GRM7: variants seen among roughly 807,000 people sequenced by gnomAD.
GRM7 encodes the protein glutamate metabotropic receptor 7, also known as metabotropic glutamate receptor 7.
A neutral mutation model predicts 84.5 loss-of-function variants in GRM7; 35 were observed. The observed-to-expected ratio is 0.41, with a 90% CI of 0.32 to 0.55. The LOEUF (loss-of-function observed/expected upper bound fraction) is 0.55, where lower values mean the gene tolerates loss of function less well. Among genes scored for constraint, GRM7 ranks in the 20% least tolerant of loss-of-function variants. The pLI, the probability that GRM7 is intolerant of heterozygous loss-of-function variation, is 0.19. For synonymous variants in GRM7, 487 were observed against 455.1 expected (o/e 1.07, Z -0.89); for missense variants, 1,003 against 1,194.6 (o/e 0.84, Z 2.36).
At chr3:7,285,848 T>A (rs1262092736) in intron 2 of GRM7, among the ~76,000 whole-genome samples, 3 of 152,172 alleles carry the variant, frequency 2.0e-5, no homozygotes, top group African/African-American at 7.2e-5. Context: ...TTCTAATTTA[T>A]CTCTTAATTT....
chr3:7,167,107 C>G (rs1574982152), intron 2 of GRM7, among the ~76,000 whole-genome samples: 1 of 152,120 alleles, frequency 6.6e-6, no homozygotes, highest in African/African-American at 2.4e-5. Context: ...GGTAATGGAG[C>G]CTTAACAAAG....
At chr3:7,248,607 G>GA (rs550182261) in intron 2 of GRM7, among the ~76,000 whole-genome samples, 12 of 151,576 alleles carry the variant, frequency 7.9e-5, no homozygotes, top group Admixed American at 7.2e-4. Flanking sequence ...TATTTTATTT[G>GA]AAAAAAAAGA....
chr3:6,995,673 T>G (rs1290670531), intron 1 of GRM7, among the ~76,000 whole-genome samples: 1 of 152,124 alleles, frequency 6.6e-6, no homozygotes, highest in African/African-American at 2.4e-5. Context: ...CACATAAAAT[T>G]GAATTGGAAC....
At chr3:7,298,602 T>A (rs1699892738) in intron 2 of GRM7, 82 bp from the exon 3 acceptor site, 2 of 1,167,120 alleles carry the variant, frequency 1.7e-6, no homozygotes, top group Admixed American at 2.0e-5. Context: ...GGATTCAGAA[T>A]CTCCTCCTCA....
intron 2 of GRM7, among the ~76,000 whole-genome samples, chr3:7,230,703 G>T (rs1310464434): frequency 6.6e-6 from 1 of 152,198 alleles, no homozygotes; most frequent in Non-Finnish European, 1.5e-5. Context: ...GTTTTCTTGT[G>T]AGGAGCGTTT....
Position 7,145,816 on chromosome 3 carries a change from T to C in GRM7, c.520-636T>C, listed in dbSNP as rs12107771. Among the ~76,000 whole-genome samples the C allele has an allele frequency of 4.8e-3, 724 of 152,214 alleles. 4 individuals carry two copies. The highest frequency in any genetic ancestry group is 0.017 in the African/African-American group (686 of 41,546). ...CTCTCTCCCAGAATCCAAAAGAGAA[T>C]TTGGAAAATTTTGAGGAAAGCCTGT... On this transcript the variant is annotated intron_variant, in intron 1 of 9. Coordinates refer to ENST00000357716, the MANE Select transcript of GRM7 (RefSeq NM_000844.4).
At chr3:7,670,921 T>A (rs551970661) in intron 8 of GRM7, among the ~76,000 whole-genome samples, 57 of 151,816 alleles carry the variant, frequency 3.8e-4, no homozygotes, top group African/African-American at 1.3e-3. Flanking sequence ...CTGGCAGGAG[T>A]CGTCTCTCCA....
At chr3:6,908,025 A>G (rs1291187619) in intron 1 of GRM7, among the ~76,000 whole-genome samples, 1 of 152,184 alleles carries the variant, frequency 6.6e-6, no homozygotes, top group East Asian at 1.9e-4. Context: ...TACTGTACAT[A>G]CGCTAAACTA....
rs570569845 is a variant in GRM7, at chr3:7,626,411, T to C, written c.2451+47054T>C. Among the ~76,000 whole-genome samples the C allele has an allele frequency of 1.3e-5, 2 of 152,332 alleles. 1 individual carries two copies. The highest frequency in any genetic ancestry group is 4.1e-4 in the South Asian group (2 of 4,830). On this transcript the variant is annotated intron_variant, in intron 8 of 9. Transcript: ENST00000357716. Reference sequence around the variant, plus strand: ...TGGGCATCCTCTCTAAAGACTGTATTCATTTGCTAGGGCTACTGTGGCAAA... The same window carrying C: ...TGGGCATCCTCTCTAAAGACTGTATCCATTTGCTAGGGCTACTGTGGCAAA...
At chr3:7,146,076 C>G (rs1694102204) in intron 1 of GRM7, among the ~76,000 whole-genome samples, 2 of 152,192 alleles carry the variant, frequency 1.3e-5, no homozygotes, top group African/African-American at 4.8e-5. Flanking sequence ...TTTATATACA[C>G]TCCAGCCAGG....
At chr3:7,069,244 G>T (rs1354544126) in intron 1 of GRM7, among the ~76,000 whole-genome samples, 25 of 151,924 alleles carry the variant, frequency 1.6e-4, no homozygotes, top group Admixed American at 1.6e-3. Flanking sequence ...GCACTGCTAG[G>T]CTGAAGGAGT....
At chr3:7,125,971 C>T (rs1011530944) in intron 1 of GRM7, among the ~76,000 whole-genome samples, 1 of 152,186 alleles carries the variant, frequency 6.6e-6, no homozygotes, top group Admixed American at 6.5e-5. Flanking sequence ...TGAATTGTCA[C>T]CTTCCCCTCA....
At position 6,960,194 on chromosome 3, in the gene GRM7, C is replaced by T. The variant is rs143505562; in HGVS notation, c.519+98287C>T. On this transcript the variant is annotated intron_variant, in intron 1 of 9. Transcript: ENST00000357716. ...GGCAATGACTCAAGCTGAGCCACCCCCAATCCATTCCCCTGCTCTTCCCGA... is the reference window on the plus strand; with the variant it reads ...GGCAATGACTCAAGCTGAGCCACCCTCAATCCATTCCCCTGCTCTTCCCGA... 2.2e-4 allele frequency among the ~76,000 whole-genome samples: 34 copies of T among 152,296 alleles called. 2 individuals are homozygous for T. The East Asian group carries it at 6.4e-3, about 29-fold the overall frequency.
At chr3:7,397,785 C>G (rs73013689) in intron 4 of GRM7, among the ~76,000 whole-genome samples, 15,884 of 151,944 alleles carry the variant, frequency 0.1, 957 homozygotes, top group South Asian at 0.26. Flanking sequence ...TATGAAGATA[C>G]TTTTCATTGT....
chr3:7,354,679 C>T (rs1276286022), intron 4 of GRM7, among the ~76,000 whole-genome samples: 1 of 152,124 alleles, frequency 6.6e-6, no homozygotes, highest in Non-Finnish European at 1.5e-5. Context: ...ACAGATGGAT[C>T]CTGAAGAATG....
chr3:7,638,610 A>AT (rs1698215011), intron 8 of GRM7, among the ~76,000 whole-genome samples: 2 of 152,182 alleles, frequency 1.3e-5, no homozygotes, highest in Admixed American at 6.5e-5. Context: ...ATTTGTCCAT[A>AT]TTTTTTCTGA....
intron 4 of GRM7, among the ~76,000 whole-genome samples, chr3:7,316,671 A>G (rs1036241087): frequency 1.3e-5 from 2 of 152,192 alleles, no homozygotes; most frequent in African/African-American, 4.8e-5. Flanking sequence ...GTTTTAAGGG[A>G]ACAAACAGCA....
chr3:6,958,075 A>ATG (rs1217253865), intron 1 of GRM7, among the ~76,000 whole-genome samples: 2 of 148,410 alleles, frequency 1.3e-5, no homozygotes, highest in East Asian at 2.0e-4. Flanking sequence ...TTATGTGTAT[A>ATG]TATGTGTGTG....
At chr3:7,258,145 C>T (rs1323726394) in intron 2 of GRM7, among the ~76,000 whole-genome samples, 2 of 152,178 alleles carry the variant, frequency 1.3e-5, no homozygotes, top group Non-Finnish European at 2.9e-5. Flanking sequence ...AACCATCACA[C>T]TATAGTGTTT....
Sources: allele counts gnomAD v4.1 joint callset (sites outside exome capture counted in the v4.1 genomes callset), GRCh38; gene constraint gnomAD v4.1.1; transcripts MANE v1.5; gene names NCBI Gene and HGNC (gene_info 2026-07-23, HGNC 2026-07-21).